Variants in CSMD1 observed in about 807,000 individuals in gnomAD.
The protein encoded by CSMD1 is CUB and sushi domain-containing protein 1.
In CSMD1, 213 loss-of-function variants were observed where a neutral mutation model predicts 417.5. The ratio of observed to expected loss-of-function variants is 0.51; its 90% CI spans 0.46 to 0.57. The LOEUF (loss-of-function observed/expected upper bound fraction) is 0.57, where lower values mean the gene tolerates loss of function less well. Ranked by LOEUF, CSMD1 falls within the 20% of genes least tolerant of loss-of-function variation. The pLI is 0.00. For synonymous variants in CSMD1, 2,862 were observed against 1,736.8 expected (o/e 1.65, Z -16.11); for missense variants, 6,923 against 4,529.7 (o/e 1.53, Z -15.17).
intron 5 of CSMD1, among the ~76,000 whole-genome samples, chr8:3,955,288 C>G (rs66531571): frequency 6.6e-6 from 1 of 152,074 alleles, no homozygotes; most frequent in African/African-American, 2.4e-5. Context: ...CATGCAGTGT[C>G]AACACCAAAC....
At chr8:3,776,934 C>G (rs1798923696) in intron 5 of CSMD1, among the ~76,000 whole-genome samples, 1 of 151,828 alleles carries the variant, frequency 6.6e-6, no homozygotes, top group Non-Finnish European at 1.5e-5. Context: ...AGCCTGGTCT[C>G]AACTCTTGAT....
At chr8:3,299,723 C>A (rs1804245476) in intron 25 of CSMD1, among the ~76,000 whole-genome samples, 2 of 152,090 alleles carry the variant, frequency 1.3e-5, no homozygotes, top group Non-Finnish European at 2.9e-5. Context: ...AAGAGGAAGT[C>A]ACTAACCAAA....
At chr8:3,232,379 T>C (rs949721297) in intron 26 of CSMD1, among the ~76,000 whole-genome samples, 6 of 152,342 alleles carry the variant, frequency 3.9e-5, no homozygotes, top group African/African-American at 1.2e-4. Context: ...CTTGCTTGTA[T>C]TATGTTTTTG....
intron 5 of CSMD1, among the ~76,000 whole-genome samples, chr8:3,865,259 T>G (rs1233071062): frequency 6.6e-6 from 1 of 152,214 alleles, no homozygotes; most frequent in Non-Finnish European, 1.5e-5. Flanking sequence ...GTAGGGACAG[T>G]AAGTTACTTC....
At chr8:3,579,322 G>C (rs1224472690) in intron 9 of CSMD1, among the ~76,000 whole-genome samples, 1 of 139,140 alleles carries the variant, frequency 7.2e-6, no homozygotes, top group East Asian at 2.1e-4. Flanking sequence ...TTTGTTTCAT[G>C]CAATTTATCT....
At chr8:4,683,899 C>T (rs1000037675) in intron 1 of CSMD1, among the ~76,000 whole-genome samples, 1 of 152,092 alleles carries the variant, frequency 6.6e-6, no homozygotes, top group Non-Finnish European at 1.5e-5. Flanking sequence ...TAGGAAAGGA[C>T]TAATTAGATA....
At chr8:3,601,380 T>C (rs1192716960) in intron 8 of CSMD1, among the ~76,000 whole-genome samples, 2 of 152,206 alleles carry the variant, frequency 1.3e-5, no homozygotes, top group Non-Finnish European at 2.9e-5. Context: ...ACGATGAGGT[T>C]TCCATATACA....
intron 5 of CSMD1, among the ~76,000 whole-genome samples, chr8:3,771,672 AAGAGAACGG>A (rs1798581993): frequency 6.6e-6 from 1 of 152,180 alleles, no homozygotes; most frequent in African/African-American, 2.4e-5. Context: ...ACACAGGAGG[AAGAGAACGG>A]AGAGGCCCCT....
intron 3 of CSMD1, among the ~76,000 whole-genome samples, chr8:4,092,788 A>T (rs755242408): frequency 5.3e-5 from 8 of 152,136 alleles, no homozygotes; most frequent in Non-Finnish European, 8.8e-5. Context: ...TATTTCATGA[A>T]ATCTATTTTT....
At chr8:4,210,779 G>T (rs1304064091) in intron 3 of CSMD1, among the ~76,000 whole-genome samples, 1 of 152,104 alleles carries the variant, frequency 6.6e-6, no homozygotes, top group Non-Finnish European at 1.5e-5. Flanking sequence ...AATTCAATGA[G>T]TAAATACGAG....
intron 1 of CSMD1, among the ~76,000 whole-genome samples, chr8:4,705,789 TAC>T (rs1807898155): frequency 6.6e-6 from 1 of 152,198 alleles, no homozygotes. Context: ...CATTCTATCT[TAC>T]AGAGTGTCTA....
chr8:3,237,381 C>G (rs1000670766), intron 26 of CSMD1, among the ~76,000 whole-genome samples: 6 of 151,392 alleles, frequency 4.0e-5, no homozygotes, highest in Non-Finnish European at 7.4e-5. Flanking sequence ...GCAGGAGACT[C>G]AGGAGGTGGA....
At position 4,398,918 on chromosome 8, in the gene CSMD1, A is replaced by C. The variant is rs1007362353; in HGVS notation, c.415+21035T>G. 3.3e-5 allele frequency among the ~76,000 whole-genome samples: 5 copies of C among 152,156 alleles called. No homozygotes were observed. The South Asian group carries it at 1.0e-3, about 31-fold the overall frequency. ...ATAAAAGTCTCTAATTCACAAATCC[A>C]TTTAAGATGCTCCAGAATATATTCT... On this transcript the variant is annotated intron_variant, in intron 3 of 69. Coordinates refer to ENST00000635120, the MANE Select transcript of CSMD1 (RefSeq NM_033225.6).
intron 1 of CSMD1, among the ~76,000 whole-genome samples, chr8:4,890,414 G>C (rs1344811627): frequency 6.6e-6 from 1 of 151,980 alleles, no homozygotes; most frequent in African/African-American, 2.4e-5. Flanking sequence ...AGACAGGTGA[G>C]AGCGTGACTC....
chr8:3,486,643 G>C (rs1818051191), intron 11 of CSMD1, among the ~76,000 whole-genome samples: 1 of 152,202 alleles, frequency 6.6e-6, no homozygotes, highest in Admixed American at 6.5e-5. Flanking sequence ...AGCTGAAATG[G>C]AGCACCACCT....
rs116072806 is a variant in CSMD1, at chr8:4,918,571, G to C, written c.85+75761C>G. ...AATTTCCAATGTCTAGACAAGCACT[G>C]CGAGTTGTGCTTTAAAAAGACACAA... On this transcript the variant is annotated intron_variant, in intron 1 of 69. Coordinates refer to ENST00000635120, the MANE Select transcript of CSMD1 (RefSeq NM_033225.6). Among the ~76,000 whole-genome samples, 1,217 of 152,248 alleles carry C rather than the reference G, an allele frequency of 8.0e-3. 16 individuals carry two copies. Among genetic ancestry groups the C allele is most frequent in the African/African-American group, 0.027 (1,120 of 41,538 alleles).
Position 3,694,474 on chromosome 8 carries a change from C to T in CSMD1, c.1009+13940G>A, listed in dbSNP as rs182488943. On this transcript the variant is annotated intron_variant, in intron 7 of 69. Coordinates refer to ENST00000635120, the MANE Select transcript of CSMD1 (RefSeq NM_033225.6). ...ATGAGTCTGGGAAAGACGGCCAGGC[C>T]GAAAACACCATCTGGGAAAGCATGT... Among the ~76,000 whole-genome samples, 6 of 152,182 alleles carry T rather than the reference C, an allele frequency of 3.9e-5. No individual in the cohort carries two copies. In the East Asian group the frequency reaches 9.7e-4, roughly 25 times the overall value.
intron 3 of CSMD1, among the ~76,000 whole-genome samples, chr8:4,054,381 T>A (rs930643495): frequency 6.6e-6 from 1 of 152,116 alleles, no homozygotes; most frequent in Admixed American, 6.6e-5. Context: ...ATATAGGGGA[T>A]GGCCGCCCGA....
chr8:4,678,047 G>T (rs144971176), intron 1 of CSMD1, among the ~76,000 whole-genome samples: 2 of 152,134 alleles, frequency 1.3e-5, no homozygotes, highest in South Asian at 4.1e-4. Flanking sequence ...TTTAGTAACA[G>T]CACACATGGA....
Sources: allele counts gnomAD v4.1 joint callset (sites outside exome capture counted in the v4.1 genomes callset), GRCh38; gene constraint gnomAD v4.1.1; transcripts MANE v1.5; gene names NCBI Gene and HGNC (gene_info 2026-07-23, HGNC 2026-07-21).